The following HDAC4 variants were observed in gnomAD, a reference collection of about 807,000 sequenced individuals.
HDAC4 encodes the protein histone deacetylase 4, also known as histone deacetylase A.
Under a neutral mutation model 135.1 loss-of-function variants are expected in HDAC4, and 16 were observed. The observed-to-expected ratio is 0.12, with a 90% CI of 0.08 to 0.18. The LOEUF (loss-of-function observed/expected upper bound fraction) is 0.18, where lower values mean the gene tolerates loss of function less well. Among genes scored for constraint, HDAC4 ranks in the 10% least tolerant of loss-of-function variants. HDAC4 has a pLI of 1.00. For synonymous variants in HDAC4, 685 were observed against 653.4 expected, an observed-to-expected ratio of 1.05 and a Z score of -0.74; for missense variants, 1,143 against 1,511.8, an observed-to-expected ratio of 0.76 and a Z score of 4.05.
rs144420914 is a variant in HDAC4 at position 239,118,988 on chromosome 2, G to A, written c.1534-3678C>T. 5.3e-4 allele frequency among the ~76,000 whole-genome samples: 81 copies of A among 152,318 alleles called. 1 individual carries two copies. The highest frequency in any genetic ancestry group is 1.6e-3 in the African/African-American group (68 of 41,576). ...CCTGGCGGTACCGCTGTCGCTGTGA[G>A]CAGGGGTGCCAGGTGCAGCAGGGGC... is the stretch of plus-strand genomic sequence containing the variant. On this transcript the variant is annotated intron_variant, in intron 12 of 26. Coordinates refer to ENST00000543185, the MANE Select transcript of HDAC4 (RefSeq NM_001378414.1).
chr2:239,083,891 G>A (rs911053259), intron 20 of HDAC4, among the ~76,000 whole-genome samples: 1 of 152,238 alleles, frequency 6.6e-6, no homozygotes, highest in Admixed American at 6.5e-5. Context: ...AGAAGATCTC[G>A]TCGAGGGTGG....
chr2:239,179,227 C>A (rs1274255853), intron 4 of HDAC4, among the ~76,000 whole-genome samples: 1 of 152,242 alleles, frequency 6.6e-6, no homozygotes, highest in East Asian at 1.9e-4. Flanking sequence ...CCATGGGATG[C>A]CACCCACGTC....
rs1211349402 is a variant in HDAC4, at chr2:239,049,241, A to G, written c.*3856T>C. On this transcript the variant is annotated 3_prime_UTR_variant, in exon 27 of 27. Transcript: ENST00000543185. ...GTACAATTTCTTAAGAATAAGTTCA[A>G]TAAGACGCAAACTTCCCCGCCCTCC... 1 of 152,612 alleles carries G rather than the reference A, an allele frequency of 6.6e-6. No homozygotes were observed. Among genetic ancestry groups the G allele is most frequent in the African/African-American group, 2.4e-5 (1 of 41,450 alleles). The allele number at this position is 152,612 out of a possible 1,614,324, so 9.5% of individuals were successfully genotyped here.
chr2:239,329,403 G>A (rs910891919), intron 2 of HDAC4, among the ~76,000 whole-genome samples: 1 of 152,226 alleles, frequency 6.6e-6, no homozygotes, highest in African/African-American at 2.4e-5. Context: ...CGTCATCTCA[G>A]TGAGACAGGC....
At chr2:239,329,077 C>G (rs559623006) in intron 2 of HDAC4, among the ~76,000 whole-genome samples, 2 of 152,330 alleles carry the variant, frequency 1.3e-5, no homozygotes, top group Non-Finnish European at 2.9e-5. Context: ...AGGCAGAGCC[C>G]AGGGCCAACT....
At position 239,169,591 on chromosome 2, in the gene HDAC4, C is replaced by T. The variant is rs143797310; in HGVS notation, c.491-5668G>A. ...CGCTCCTGGTCCTCAACCCAGGCAA[C>T]GCACTAGGCAGCTTCAGAAGCAAGA... On this transcript the variant is annotated intron_variant, in intron 5 of 26. Transcript: ENST00000543185. 3.1e-4 allele frequency among the ~76,000 whole-genome samples: 47 copies of T among 152,368 alleles called. 1 individual carries two copies. In the Middle Eastern group the frequency reaches 0.014, roughly 44 times the overall value.
chr2:239,061,584 G>A lies in HDAC4; in HGVS notation c.3003+5138C>T, dbSNP rs113421904. On this transcript the variant is annotated intron_variant, in intron 24 of 26. Coordinates refer to ENST00000543185, the MANE Select transcript of HDAC4 (RefSeq NM_001378414.1). The stretch of plus-strand genomic sequence containing the variant: ...GTGCATGTGAGACTGTGGTGCCTAT[G>A]TGTGGTGTGTGTGTACAAGAGGGTG... Among the ~76,000 whole-genome samples, 8 of 152,330 alleles carry A rather than the reference G, an allele frequency of 5.3e-5. 1 individual carries two copies. The highest frequency in any genetic ancestry group is 1.9e-4 in the African/African-American group (8 of 41,572).
chr2:239,097,344 C>T (rs2152747543), intron 16 of HDAC4, among the ~76,000 whole-genome samples: 1 of 152,372 alleles, frequency 6.6e-6, no homozygotes, highest in East Asian at 1.9e-4. Flanking sequence ...AGGGCAGCAG[C>T]ACCAGCATGC....
intron 2 of HDAC4, among the ~76,000 whole-genome samples, chr2:239,316,410 A>G (rs1380356719): frequency 6.6e-6 from 1 of 152,164 alleles, no homozygotes; most frequent in Non-Finnish European, 1.5e-5. Context: ...GACCAGCCTG[A>G]GCAACACAGC....
intron 2 of HDAC4, among the ~76,000 whole-genome samples, chr2:239,326,553 A>G (rs1388547995): frequency 2.0e-5 from 3 of 152,246 alleles, no homozygotes; most frequent in African/African-American, 7.2e-5. Flanking sequence ...AAGCATGATG[A>G]ACAAAGAAAT....
intron 2 of HDAC4, among the ~76,000 whole-genome samples, chr2:239,259,104 A>G (rs562848437): frequency 3.9e-5 from 6 of 152,320 alleles, no homozygotes; most frequent in African/African-American, 1.4e-4. Context: ...TTTTTTGAAT[A>G]TAATGCAACT....
At chr2:239,295,036 G>A (rs185539580) in intron 2 of HDAC4, among the ~76,000 whole-genome samples, 2 of 152,178 alleles carry the variant, frequency 1.3e-5, no homozygotes, top group African/African-American at 2.4e-5. Flanking sequence ...GGCCGGGCGC[G>A]GTGGCTCACG....
chr2:239,102,734 A>G (rs1482711718), intron 16 of HDAC4, 42 bp downstream of exon 16: 22 of 1,611,916 alleles, frequency 1.4e-5, no homozygotes, highest in Middle Eastern at 1.6e-4. Context: ...ACCTCAGGGG[A>G]CTTCAAACCC....
chr2:239,081,212 AAC>A lies in HDAC4; in HGVS notation c.2653-22_2653-21del, dbSNP rs780756476. ...GCCCACCTGTGGCCAGAAGGAGAGA[AAC>A]ACACGTCATGGACCCCGAGCGGGAC... On this transcript the variant is annotated intron_variant, in intron 21 of 26. Coordinates refer to ENST00000543185, the MANE Select transcript of HDAC4 (RefSeq NM_001378414.1). The A allele has an allele frequency of 1.0e-5, 16 of 1,599,728 alleles. No homozygotes were observed. In the East Asian group the frequency reaches 3.4e-4, roughly 34 times the overall value.
At position 239,049,660 on chromosome 2, in the gene HDAC4, C is replaced by T. The variant is rs566355618; in HGVS notation, c.*3437G>A. 6 of 152,540 alleles carry T rather than the reference C, an allele frequency of 3.9e-5. No homozygotes were observed. The East Asian group carries it at 5.8e-4, about 15-fold the overall frequency. 9.4% of individuals were successfully genotyped at this position (152,540 alleles called of 1,614,324 possible). On this transcript the variant is annotated 3_prime_UTR_variant, in exon 27 of 27. Transcript: ENST00000543185. ...AACTTGCTTTTGTGTCAGACCATTA[C>T]GAAATGGTCCTTCCCCTTGCAAACA...
chr2:239,135,337 G>T (rs573783683), intron 9 of HDAC4, among the ~76,000 whole-genome samples: 1 of 152,188 alleles, frequency 6.6e-6, no homozygotes, highest in Non-Finnish European at 1.5e-5. Flanking sequence ...TGAGGCAGAC[G>T]AGGGTCAGCA....
At chr2:239,206,663 GAAA>G (rs35571265) in intron 3 of HDAC4, among the ~76,000 whole-genome samples, 44 of 130,938 alleles carry the variant, frequency 3.4e-4, no homozygotes, top group African/African-American at 1.2e-3. Context: ...CTCAAGGACT[GAAA>G]AAAAAAAAAA....
chr2:239,156,399 G>C (rs1010136959), intron 7 of HDAC4, among the ~76,000 whole-genome samples: 1 of 152,226 alleles, frequency 6.6e-6, no homozygotes, highest in African/African-American at 2.4e-5. Context: ...ACTAAACTGA[G>C]TGTGCTTTCA....
intron 12 of HDAC4, among the ~76,000 whole-genome samples, chr2:239,124,258 T>C (rs2039937257): frequency 6.6e-6 from 1 of 152,228 alleles, no homozygotes; most frequent in Non-Finnish European, 1.5e-5. Flanking sequence ...TTGGAATATT[T>C]TCACCATCCC....
Sources: gnomAD v4.1 joint callset for allele counts (sites outside exome capture counted in the v4.1 genomes callset) on GRCh38, gnomAD v4.1.1 for gene constraint, MANE v1.5 for transcripts, NCBI Gene and HGNC (gene_info 2026-07-23, HGNC 2026-07-21) for gene names.